GNS: variants seen among roughly 807,000 people sequenced by gnomAD.
The protein encoded by GNS is glucosamine (N-acetyl)-6-sulfatase.
GNS carries 40 observed loss-of-function variants against 69.7 expected under a neutral mutation model. The observed-to-expected ratio is 0.57, with a 90% CI of 0.45 to 0.75. GNS has a LOEUF of 0.75. GNS is among the 30% of genes least tolerant of loss of function. The probability of loss-of-function intolerance (pLI) is 0.00; values close to 1 mark genes in which losing one functional copy is unlikely to be tolerated. For synonymous variants in GNS, 243 were observed against 251.6 expected (o/e 0.97, Z 0.32); for missense variants, 565 against 685.5 (o/e 0.82, Z 1.96).
chr12:64,721,766 T>A lies in GNS; in HGVS notation c.1309-61A>T, dbSNP rs1565880730. 4.2e-5 allele frequency: 38 copies of A among 897,190 alleles called. 1 individual carries two copies. The East Asian group carries it at 9.1e-4, about 22-fold the overall frequency. 55.6% of individuals were successfully genotyped at this position (897,190 alleles called of 1,614,324 possible). A position where few individuals can be genotyped will look rare whatever the true frequency, so the allele number is the denominator to read the frequency against. On this transcript the variant is annotated intron_variant, in intron 11 of 13. Transcript: ENST00000258145. ...TCTTCCATAGTAACAAATACCTAGT[T>A]GCCTAGAAGGGCAATCGGCTTGGCT...
intron 1 of GNS, among the ~76,000 whole-genome samples, chr12:64,755,825 C>T (rs149546002): frequency 0.014 from 2,098 of 151,300 alleles, 22 homozygotes; most frequent in Non-Finnish European, 0.023. Context: ...ACTACAGGCA[C>T]GCACCACCAT....
chr12:64,719,525 T>C (rs1339301455), intron 13 of GNS, among the ~76,000 whole-genome samples: 1 of 152,190 alleles, frequency 6.6e-6, no homozygotes. Flanking sequence ...TATCGTGCAA[T>C]GGGCTTATAT....
chr12:64,721,775 G>C (rs112898627), intron 11 of GNS, 70 bp from the exon 12 acceptor site: 20 of 850,508 alleles, frequency 2.4e-5, no homozygotes, highest in African/African-American at 1.8e-4. Flanking sequence ...TTGCCTAGAA[G>C]GGCAATCGGC....
intron 9 of GNS, among the ~76,000 whole-genome samples, chr12:64,731,603 T>C (rs992489785): frequency 5.3e-5 from 8 of 152,168 alleles, no homozygotes; most frequent in Admixed American, 4.6e-4. Flanking sequence ...TAGCATACTA[T>C]ATCAGGAGAT....
rs1007819273 is a variant in GNS at position 64,714,228 on chromosome 12, T to C, written c.*2513A>G. ...AGAGGGAGAGCTTTGTAACAGGAAA[T>C]TGTATAAGGCAAACTCTCTATTCAT... On this transcript the variant is annotated 3_prime_UTR_variant, in exon 14 of 14. Coordinates refer to ENST00000258145, the MANE Select transcript of GNS (RefSeq NM_002076.4). 1.3e-5 allele frequency: 2 copies of C among 152,156 alleles called. No individual in the cohort carries two copies. Among genetic ancestry groups the C allele is most frequent in the Non-Finnish European group, 2.9e-5 (2 of 68,040 alleles). The allele number at this position is 152,156 out of a possible 1,614,324, so 9.4% of individuals were successfully genotyped here. A position where few individuals can be genotyped will look rare whatever the true frequency, so the allele number is the denominator to read the frequency against.
In GNS at chr12:64,742,272, G is replaced by A. The variant is rs548677740; in HGVS notation, c.792+869C>T. On this transcript the variant is annotated intron_variant, in intron 6 of 13. Coordinates refer to ENST00000258145, the MANE Select transcript of GNS (RefSeq NM_002076.4). ...CCTGACCTCGTGATTCGCCCGCCTTGGCCTCCCAAAGTGCTGGGATTACAG... is the reference window on the plus strand; with the variant it reads ...CCTGACCTCGTGATTCGCCCGCCTTAGCCTCCCAAAGTGCTGGGATTACAG... Among the ~76,000 whole-genome samples, 64 of 152,164 alleles carry A rather than the reference G, an allele frequency of 4.2e-4. No homozygotes were observed. In the Middle Eastern group the frequency reaches 0.017, roughly 40 times the overall value.
chr12:64,751,757 C>T (rs768130088), intron 2 of GNS, among the ~76,000 whole-genome samples: 3 of 151,700 alleles, frequency 2.0e-5, no homozygotes, highest in Admixed American at 1.3e-4. Flanking sequence ...GAGGCCGAGG[C>T]GGGCAGATCA....
rs116727978 is a variant in GNS at position 64,735,327 on chromosome 12, C to T, written c.1098+1677G>A. On this transcript the variant is annotated intron_variant, in intron 9 of 13. Transcript: ENST00000258145. ...CTACGTGATCTTCAGCAAACAACTT[C>T]TCTGCTTCAGTTTTCCTCATCTGCA... Among the ~76,000 whole-genome samples the T allele has an allele frequency of 4.5e-3, 683 of 152,336 alleles. 4 individuals are homozygous for T. Among genetic ancestry groups the T allele is most frequent in the African/African-American group, 0.014 (595 of 41,568 alleles).
chr12:64,740,501 T>G, intron 7 of GNS, 105 bp downstream of exon 7: 1 of 767,310 alleles, frequency 1.3e-6, no homozygotes, highest in Non-Finnish European at 2.4e-6. Flanking sequence ...CTTGCTTCCC[T>G]CTGTTTTTGT....
chr12:64,752,548 T>C (rs1335884412), intron 2 of GNS, 150 bp downstream of exon 2: 2 of 624,706 alleles, frequency 3.2e-6, no homozygotes, highest in Non-Finnish European at 5.7e-6. Context: ...ATATTTCAAT[T>C]AAAATTCACA....
At chr12:64,734,016 T>C (rs1282360613) in intron 9 of GNS, among the ~76,000 whole-genome samples, 2 of 152,254 alleles carry the variant, frequency 1.3e-5, no homozygotes, top group Admixed American at 1.3e-4. Context: ...CAGCTCATTA[T>C]GCCCAACTCA....
rs757526895 is a variant in GNS, at chr12:64,744,799, T to C, written c.624+10A>G. 199 of 1,323,140 alleles carry C rather than the reference T, an allele frequency of 1.5e-4. No homozygotes were observed. Among genetic ancestry groups the C allele is most frequent in the Non-Finnish European group, 1.4e-4 (125 of 913,998 alleles). The allele number at this position is 1,323,140 out of a possible 1,614,324, so 82.0% of individuals were successfully genotyped here. Reference sequence around the variant, plus strand: ...TGTAAGGACAGAGCTACAAAGCTTCTGCAACTCACCAAAACATCTGTCAGG... The same window carrying C: ...TGTAAGGACAGAGCTACAAAGCTTCCGCAACTCACCAAAACATCTGTCAGG... On this transcript the variant is annotated intron_variant, in intron 5 of 13. Coordinates refer to ENST00000258145, the MANE Select transcript of GNS (RefSeq NM_002076.4).
At chr12:64,741,099 T>C (rs1382212653) in intron 6 of GNS, among the ~76,000 whole-genome samples, 1 of 17,132 alleles carries the variant, frequency 5.8e-5, no homozygotes, top group Non-Finnish European at 9.1e-5. Flanking sequence ...CCCAGCTACT[T>C]GGGAGGCTGA....
intron 13 of GNS, among the ~76,000 whole-genome samples, chr12:64,718,740 C>G (rs1868937771): frequency 6.6e-6 from 1 of 152,248 alleles, no homozygotes; most frequent in Non-Finnish European, 1.5e-5. Context: ...GCTTTAAGTT[C>G]CCAGAGTCAG....
rs60901845 is a variant in GNS at position 64,738,012 on chromosome 12, C to CT, written c.995-906dup. Reference sequence around the variant, plus strand: ...GGTAGTATGTGGACTTTGCCTGCATCTTTTTTTTTTTTTTTGAGATGGAGT... The same window carrying CT: ...GGTAGTATGTGGACTTTGCCTGCATCTTTTTTTTTTTTTTTTGAGATGGAGT... On this transcript the variant is annotated intron_variant, in intron 8 of 13. Coordinates refer to ENST00000258145, the MANE Select transcript of GNS (RefSeq NM_002076.4). Among the ~76,000 whole-genome samples, 321 of 143,798 alleles carry CT rather than the reference C, an allele frequency of 2.2e-3. 3 individuals carry two copies. The highest frequency in any genetic ancestry group is 3.8e-3 in the South Asian group (17 of 4,466). The allele number at this position is 143,798 out of a possible 152,430, so 94.3% of individuals were successfully genotyped here.
chr12:64,757,123 GAGCCTTGATTGTACCACTGCACTCC>G (rs1331326320), intron 1 of GNS, among the ~76,000 whole-genome samples: 1 of 152,186 alleles, frequency 6.6e-6, no homozygotes, highest in Non-Finnish European at 1.5e-5. Context: ...AGGCTGCAAT[GAGCCTTGATTGTACCACTGCACTCC>G]AGCCTGGATG....
At chr12:64,755,407 G>A (rs1369676527) in intron 1 of GNS, among the ~76,000 whole-genome samples, 7 of 151,626 alleles carry the variant, frequency 4.6e-5, no homozygotes, top group Non-Finnish European at 8.8e-5. Context: ...GTGAAATCCC[G>A]TCTCTACTAG....
chr12:64,729,735 C>A lies in GNS; in HGVS notation c.1099-678G>T, dbSNP rs573728034. On this transcript the variant is annotated intron_variant, in intron 9 of 13. Transcript: ENST00000258145. ...ACTATTTTCCTTCTGTAAGACAATGCCTCTACAGGGCCTAATCCAGAGTAG... is the reference window on the plus strand; with the variant it reads ...ACTATTTTCCTTCTGTAAGACAATGACTCTACAGGGCCTAATCCAGAGTAG... Among the ~76,000 whole-genome samples, 7 of 152,186 alleles carry A rather than the reference C, an allele frequency of 4.6e-5. No individual in the cohort carries two copies. In the East Asian group the frequency reaches 7.7e-4, roughly 17 times the overall value.
intron 10 of GNS, among the ~76,000 whole-genome samples, chr12:64,723,547 C>G (rs1163063773): frequency 6.6e-6 from 1 of 152,308 alleles, no homozygotes; most frequent in Middle Eastern, 3.4e-3. Context: ...ATTCCACAGA[C>G]TTGTGTGCTA....
Sources: allele counts gnomAD v4.1 joint callset (sites outside exome capture counted in the v4.1 genomes callset), GRCh38; gene constraint gnomAD v4.1.1; transcripts MANE v1.5; gene names NCBI Gene and HGNC (gene_info 2026-07-23, HGNC 2026-07-21).